The following COL25A1 variants were observed in gnomAD, a reference collection of about 807,000 sequenced individuals.
COL25A1 encodes the protein collagen type XXV alpha 1 chain.
COL25A1 carries 103 observed loss-of-function variants against 128.4 expected under a neutral mutation model. The observed-to-expected ratio is 0.80, with a 90% CI of 0.68 to 0.94. COL25A1 has a LOEUF of 0.94. Ranked by LOEUF, COL25A1 falls within the 40% of genes least tolerant of loss-of-function variation. COL25A1 has a pLI of 0.00. For synonymous variants in COL25A1, 279 were observed against 277.2 expected (o/e 1.01, Z -0.06); for missense variants, 745 against 840.0 (o/e 0.89, Z 1.40).
intron 3 of COL25A1, among the ~76,000 whole-genome samples, chr4:109,235,038 A>C (rs1779381455): frequency 6.6e-6 from 1 of 152,138 alleles, no homozygotes; most frequent in African/African-American, 2.4e-5. Flanking sequence ...AGAAGCTGTG[A>C]AACCCAGCAG....
chr4:108,811,024 T>A lies in COL25A1; in HGVS notation c.*2903A>T, dbSNP rs561504835. 6.6e-6 allele frequency: 1 copy of A among 152,194 alleles called. No individual in the cohort carries two copies. The highest frequency in any genetic ancestry group is 1.9e-4 in the East Asian group (1 of 5,186). The allele number at this position is 152,194 out of a possible 1,614,324, so 9.4% of individuals were successfully genotyped here. The stretch of plus-strand genomic sequence containing the variant: ...AGAAATAGAAACTGACCTTGCCTTA[T>A]TTCCAATGTGTCTTTCATGTATATT... On this transcript the variant is annotated 3_prime_UTR_variant, in exon 38 of 38. Coordinates refer to ENST00000399132, the MANE Select transcript of COL25A1 (RefSeq NM_198721.4).
intron 27 of COL25A1, among the ~76,000 whole-genome samples, chr4:108,846,905 A>ATT (rs36023184): frequency 0.013 from 1,723 of 131,726 alleles, 60 homozygotes; most frequent in African/African-American, 0.04. Context: ...GAATTTTGTA[A>ATT]TTTTTTTTTT....
chr4:109,131,122 T>C (rs1430905032), intron 3 of COL25A1, among the ~76,000 whole-genome samples: 1 of 152,084 alleles, frequency 6.6e-6, no homozygotes, highest in Non-Finnish European at 1.5e-5. Context: ...GACAAAGAAC[T>C]CTAAAGAGAA....
At chr4:109,242,838 C>T (rs1376182074) in intron 3 of COL25A1, among the ~76,000 whole-genome samples, 1 of 151,988 alleles carries the variant, frequency 6.6e-6, no homozygotes, top group African/African-American at 2.4e-5. Context: ...TTTTGATATA[C>T]ATAAGTGATT....
At chr4:108,817,911 A>AC (rs1731405540) in intron 36 of COL25A1, among the ~76,000 whole-genome samples, 1 of 152,138 alleles carries the variant, frequency 6.6e-6, no homozygotes, top group Non-Finnish European at 1.5e-5. Context: ...ACATGCCAGT[A>AC]TTTTTCACTT....
chr4:108,919,356 A>G (rs1745230290), intron 12 of COL25A1, among the ~76,000 whole-genome samples: 1 of 152,200 alleles, frequency 6.6e-6, no homozygotes, highest in Non-Finnish European at 1.5e-5. Flanking sequence ...TATGTGGATT[A>G]GAGTAGCTTT....
chr4:108,868,610 G>T (rs142950884), intron 20 of COL25A1, among the ~76,000 whole-genome samples: 105 of 134,336 alleles, frequency 7.8e-4, no homozygotes, highest in African/African-American at 2.9e-3. Flanking sequence ...GAAAGAAAAA[G>T]AAAGAAAGAA....
At chr4:109,222,365 T>G (rs1014914973) in intron 3 of COL25A1, among the ~76,000 whole-genome samples, 9 of 152,148 alleles carry the variant, frequency 5.9e-5, no homozygotes, top group South Asian at 2.1e-4. Flanking sequence ...CCTGGCCAAC[T>G]TTTTATTCTT....
At chr4:109,055,644 A>G (rs952312149) in intron 3 of COL25A1, among the ~76,000 whole-genome samples, 4 of 152,206 alleles carry the variant, frequency 2.6e-5, no homozygotes, top group African/African-American at 9.7e-5. Context: ...CAGATGTATT[A>G]TTAATCTTTG....
chr4:108,983,568 A>T (rs1452056091), intron 6 of COL25A1, among the ~76,000 whole-genome samples: 1 of 152,172 alleles, frequency 6.6e-6, no homozygotes, highest in Non-Finnish European at 1.5e-5. Flanking sequence ...TCTTGGTCTC[A>T]CTGACTTCAA....
chr4:108,985,146 T>A (rs1753539599), intron 6 of COL25A1, among the ~76,000 whole-genome samples: 1 of 152,196 alleles, frequency 6.6e-6, no homozygotes, highest in African/African-American at 2.4e-5. Context: ...GCTTTTAATA[T>A]GAGCTTCTAC....
chr4:108,899,299 T>C (rs1742544632), intron 14 of COL25A1, 119 bp from the exon 15 acceptor site: 3 of 831,766 alleles, frequency 3.6e-6, no homozygotes, highest in Admixed American at 5.5e-5. Flanking sequence ...ATTTTCTATT[T>C]TGGCTACATG....
At chr4:108,936,610 G>C (rs1460783148) in intron 11 of COL25A1, among the ~76,000 whole-genome samples, 1 of 151,768 alleles carries the variant, frequency 6.6e-6, no homozygotes, top group South Asian at 2.1e-4. Flanking sequence ...TACAGGTCAG[G>C]AACAGAGAAT....
At chr4:108,934,427 A>G (rs955233188) in intron 11 of COL25A1, among the ~76,000 whole-genome samples, 1 of 152,184 alleles carries the variant, frequency 6.6e-6, no homozygotes, top group Non-Finnish European at 1.5e-5. Flanking sequence ...TGGCACATGT[A>G]TACCTATGTA....
chr4:109,056,697 T>A (rs1387825567), intron 3 of COL25A1, among the ~76,000 whole-genome samples: 1 of 152,010 alleles, frequency 6.6e-6, no homozygotes, highest in Non-Finnish European at 1.5e-5. Flanking sequence ...AGTATATACA[T>A]TAGACCACCT....
intron 13 of COL25A1, among the ~76,000 whole-genome samples, chr4:108,908,039 G>T (rs1743737147): frequency 6.6e-6 from 1 of 152,158 alleles, no homozygotes; most frequent in East Asian, 1.9e-4. Context: ...TGCTGCTCTT[G>T]TTGTTGTTGG....
chr4:109,287,020 T>G (rs759924995), intron 3 of COL25A1, among the ~76,000 whole-genome samples: 3 of 152,198 alleles, frequency 2.0e-5, no homozygotes, highest in Non-Finnish European at 4.4e-5. Context: ...ATTGGTGTGT[T>G]AGCAGCATTT....
chr4:109,200,771 T>A (rs1046769848), intron 3 of COL25A1, among the ~76,000 whole-genome samples: 1 of 152,170 alleles, frequency 6.6e-6, no homozygotes, highest in Admixed American at 6.5e-5. Context: ...ATGAATCTTC[T>A]AAGTCTCCTT....
intron 3 of COL25A1, among the ~76,000 whole-genome samples, chr4:109,153,738 A>C (rs762644148): frequency 2.0e-5 from 3 of 152,232 alleles, no homozygotes; most frequent in Admixed American, 6.5e-5. Flanking sequence ...TGACTTTTAT[A>C]TGCTCAACAT....
Sources: allele counts gnomAD v4.1 joint callset (sites outside exome capture counted in the v4.1 genomes callset), GRCh38; gene constraint gnomAD v4.1.1; transcripts MANE v1.5; gene names NCBI Gene and HGNC (gene_info 2026-07-23, HGNC 2026-07-21).